Variants in SUCLG2 observed in about 807,000 individuals in gnomAD.
SUCLG2 encodes the protein succinate-CoA ligase GDP-forming subunit beta.
SUCLG2 carries 42 observed loss-of-function variants against 47.9 expected under a neutral mutation model. That is an observed-to-expected ratio of 0.88 (90% CI 0.69 to 1.14). The LOEUF (loss-of-function observed/expected upper bound fraction) is 1.14, where lower values mean the gene tolerates loss of function less well. SUCLG2 is among the 50% of genes most tolerant of loss of function. SUCLG2 has a pLI of 0.00. For missense variants in SUCLG2, 571 were observed against 525.9 expected (o/e 1.09, Z -0.84); for synonymous variants, 195 against 197.3 (o/e 0.99, Z 0.10).
chr3:67,515,992 T>C (rs1335857521), intron 6 of SUCLG2, among the ~76,000 whole-genome samples: 1 of 152,112 alleles, frequency 6.6e-6, no homozygotes, highest in East Asian at 1.9e-4. Flanking sequence ...CATTCCTTTA[T>C]CCGTCCCTCT....
chr3:67,505,201 T>C (rs1388477127), intron 7 of SUCLG2, among the ~76,000 whole-genome samples: 1 of 152,210 alleles, frequency 6.6e-6, no homozygotes, highest in Non-Finnish European at 1.5e-5. Context: ...CCATCTTTGC[T>C]GCCAGCTTCT....
chr3:67,417,990 A>T (rs1160530570), intron 9 of SUCLG2, among the ~76,000 whole-genome samples: 2 of 152,194 alleles, frequency 1.3e-5, no homozygotes, highest in Admixed American at 6.5e-5. Context: ...CAAAAAGAGG[A>T]CATAAGATAC....
At chr3:67,612,966 G>T (rs1304093102) in intron 1 of SUCLG2, among the ~76,000 whole-genome samples, 1 of 152,194 alleles carries the variant, frequency 6.6e-6, no homozygotes, top group Non-Finnish European at 1.5e-5. Flanking sequence ...AAAAGACACT[G>T]GTGAACAGCC....
At chr3:67,567,297 ATTT>A (rs36047981) in intron 2 of SUCLG2, among the ~76,000 whole-genome samples, 1 of 148,352 alleles carries the variant, frequency 6.7e-6, no homozygotes, top group Non-Finnish European at 1.5e-5. Flanking sequence ...CTATATCAGG[ATTT>A]TTTTTTTTTT....
rs146705714 is a variant in SUCLG2, at chr3:67,482,182, A to AGAAGGAAG, written c.1062+13608_1062+13615dup. On this transcript the variant is annotated intron_variant, in intron 9 of 10. Transcript: ENST00000307227. Reference sequence around the variant, plus strand: ...GTGACAGAGTGAGACTATCTCAATAAGAAGGAAGGAAGGAAGGAAGGAAGG... The same window carrying AGAAGGAAG: ...GTGACAGAGTGAGACTATCTCAATAAGAAGGAAGGAAGGAAGGAAGGAAGGAAGGAAGG... Among the ~76,000 whole-genome samples, 476 of 151,770 alleles carry AGAAGGAAG rather than the reference A, an allele frequency of 3.1e-3. 2 individuals carry two copies. The highest frequency in any genetic ancestry group is 0.011 in the African/African-American group (448 of 41,434).
chr3:67,469,248 C>A (rs752596279), intron 9 of SUCLG2, among the ~76,000 whole-genome samples: 8 of 152,074 alleles, frequency 5.3e-5, no homozygotes, highest in East Asian at 1.9e-4. Flanking sequence ...GCAGCGGGAG[C>A]TAAACAAAGG....
At chr3:67,528,655 T>C (rs1706318405) in intron 3 of SUCLG2, among the ~76,000 whole-genome samples, 3 of 152,122 alleles carry the variant, frequency 2.0e-5, no homozygotes. Context: ...AAGTGTTCAG[T>C]GCTAGGAGAT....
At chr3:67,452,218 TG>T (rs1206664407) in intron 9 of SUCLG2, among the ~76,000 whole-genome samples, 3 of 152,240 alleles carry the variant, frequency 2.0e-5, no homozygotes, top group Non-Finnish European at 4.4e-5. Flanking sequence ...AATTTTATGT[TG>T]CCTAGTAAGA....
At chr3:67,380,384 G>A (rs973427202) in intron 10 of SUCLG2, among the ~76,000 whole-genome samples, 3 of 152,048 alleles carry the variant, frequency 2.0e-5, no homozygotes, top group Non-Finnish European at 4.4e-5. Flanking sequence ...GGGAAGAAAG[G>A]GGACGGAGCA....
At chr3:67,609,917 T>C (rs1196996165) in intron 1 of SUCLG2, among the ~76,000 whole-genome samples, 1 of 152,198 alleles carries the variant, frequency 6.6e-6, no homozygotes, top group African/African-American at 2.4e-5. Context: ...ACATGAGGTG[T>C]CAGCATTAGG....
intron 9 of SUCLG2, among the ~76,000 whole-genome samples, chr3:67,426,574 T>A (rs1559521704): frequency 6.6e-6 from 1 of 152,208 alleles, no homozygotes; most frequent in Non-Finnish European, 1.5e-5. Context: ...TCTCCAGTAT[T>A]GAAATGTCTC....
intron 9 of SUCLG2, among the ~76,000 whole-genome samples, chr3:67,451,849 C>T (rs1232705393): frequency 1.3e-5 from 2 of 152,028 alleles, no homozygotes; most frequent in Non-Finnish European, 2.9e-5. Flanking sequence ...AAGAGGGGGG[C>T]TGGGGAAGAA....
At chr3:67,515,636 C>G (rs1705924198) in intron 6 of SUCLG2, among the ~76,000 whole-genome samples, 1 of 152,108 alleles carries the variant, frequency 6.6e-6, no homozygotes, top group Admixed American at 6.5e-5. Context: ...ACTTAACTTT[C>G]AAAGTCACGT....
chr3:67,560,843 G>C (rs536663377), intron 2 of SUCLG2, among the ~76,000 whole-genome samples: 2 of 151,756 alleles, frequency 1.3e-5, no homozygotes, highest in South Asian at 4.2e-4. Flanking sequence ...ACAGCAAGAC[G>C]TGGAAGTTTC....
chr3:67,555,058 T>A (rs1196078676), intron 2 of SUCLG2, among the ~76,000 whole-genome samples: 1 of 152,036 alleles, frequency 6.6e-6, no homozygotes, highest in Admixed American at 6.6e-5. Context: ...GCACGGGGGT[T>A]GTGGGCAGAA....
rs1214074852 is a variant in SUCLG2 at position 67,497,840 on chromosome 3, GGGT to G, written c.919+291_919+293del. ...TGGGTTTATTTGTCTTCACAAGTGGGGGTTGTTAGTAGTATCTAGAGGTTAGGA... is the reference window on the plus strand; with the variant it reads ...TGGGTTTATTTGTCTTCACAAGTGGGTGTTAGTAGTATCTAGAGGTTAGGA... On this transcript the variant is annotated intron_variant, in intron 8 of 10. Coordinates refer to ENST00000307227, the MANE Select transcript of SUCLG2 (RefSeq NM_003848.4). 2.0e-5 allele frequency among the ~76,000 whole-genome samples: 3 copies of G among 152,124 alleles called. No individual in the cohort carries two copies. The East Asian group carries it at 5.8e-4, about 29-fold the overall frequency.
chr3:67,432,567 C>T (rs961744687), intron 9 of SUCLG2, among the ~76,000 whole-genome samples: 4 of 152,088 alleles, frequency 2.6e-5, no homozygotes, highest in African/African-American at 4.8e-5. Flanking sequence ...CTTCCTTTTT[C>T]TTTACACCTG....
intron 2 of SUCLG2, among the ~76,000 whole-genome samples, chr3:67,576,418 T>C (rs898677239): frequency 7.2e-5 from 11 of 151,774 alleles, no homozygotes; most frequent in South Asian, 2.1e-4. Flanking sequence ...AAAAAAAAGG[T>C]AGACTTAGGA....
At chr3:67,578,112 T>C (rs1298518067) in intron 2 of SUCLG2, among the ~76,000 whole-genome samples, 1 of 151,580 alleles carries the variant, frequency 6.6e-6, no homozygotes. Flanking sequence ...CAAAATCACA[T>C]CTACTTTTGG....
Sources: gnomAD v4.1 joint callset for allele counts (sites outside exome capture counted in the v4.1 genomes callset) on GRCh38, gnomAD v4.1.1 for gene constraint, MANE v1.5 for transcripts, NCBI Gene and HGNC (gene_info 2026-07-23, HGNC 2026-07-21) for gene names.